SIRT5: variants seen among roughly 807,000 people sequenced by gnomAD.
SIRT5 encodes sirtuin 5.
A neutral mutation model predicts 40.0 loss-of-function variants in SIRT5; 26 were observed. That is an observed-to-expected ratio of 0.65 (90% CI 0.48 to 0.90). The LOEUF (loss-of-function observed/expected upper bound fraction) is 0.90. Ranked by LOEUF, SIRT5 falls within the 40% of genes least tolerant of loss-of-function variation. SIRT5 has a pLI of 0.00. For synonymous variants in SIRT5, 146 were observed against 149.1 expected (o/e 0.98, Z 0.15); for missense variants, 401 against 402.4 (o/e 1.00, Z 0.03).
chr6:13,604,191 A>C (rs1436407092), intron 9 of SIRT5, among the ~76,000 whole-genome samples: 4 of 152,266 alleles, frequency 2.6e-5, no homozygotes, highest in Non-Finnish European at 5.9e-5. Flanking sequence ...ATTGTATGTG[A>C]ATCAAATCTC....
At chr6:13,581,367 C>G (rs766823761) in intron 2 of SIRT5, among the ~76,000 whole-genome samples, 27 of 151,988 alleles carry the variant, frequency 1.8e-4, no homozygotes, top group Non-Finnish European at 3.7e-4. Context: ...GAACGCCCCT[C>G]AGCTTGAGTT....
At chr6:13,579,322 T>A (rs1759040928) in intron 1 of SIRT5, 129 bp from the exon 2 acceptor site, 1 of 152,230 alleles carries the variant, frequency 6.6e-6, no homozygotes, top group African/African-American at 2.4e-5. Flanking sequence ...ATTTACGATC[T>A]TGGGAATAAT....
At chr6:13,604,540 A>G in intron 9 of SIRT5, 2 of 1,582,428 alleles carry the variant, frequency 1.3e-6, no homozygotes, top group South Asian at 2.3e-5. Flanking sequence ...ATTGTAGAAA[A>G]GCAAGAAAAT....
rs779391396 is a variant in SIRT5, at chr6:13,613,980, T to G, written c.*2115T>G. The G allele has an allele frequency of 5.3e-5, 8 of 152,238 alleles. No homozygotes were observed. The highest frequency in any genetic ancestry group is 8.8e-5 in the Non-Finnish European group (6 of 68,044). 9.4% of individuals were successfully genotyped at this position (152,238 alleles called of 1,614,324 possible). ...CTGAACCTCTGGTTCAGCAGCTTTT[T>G]TTGTTGTTGTTGTTTTCAAGTTTTA... On this transcript the variant is annotated 3_prime_UTR_variant, in exon 10 of 10. Coordinates refer to ENST00000606117, the MANE Select transcript of SIRT5 (RefSeq NM_012241.5).
chr6:13,606,188 G>A (rs190549053), intron 9 of SIRT5, among the ~76,000 whole-genome samples: 19 of 152,342 alleles, frequency 1.2e-4, no homozygotes, highest in Middle Eastern at 3.4e-3. Context: ...TGAAGGAGGT[G>A]AAGGAGGCAG....
At chr6:13,602,676 A>G (rs1045586963) in intron 9 of SIRT5, among the ~76,000 whole-genome samples, 3 of 152,190 alleles carry the variant, frequency 2.0e-5, no homozygotes, top group African/African-American at 7.2e-5. Context: ...AAAGAGTGGC[A>G]AGACAATTTG....
intron 4 of SIRT5, among the ~76,000 whole-genome samples, chr6:13,590,642 TAGTTGTGTGTGTGC>T (rs1243124339): frequency 6.6e-6 from 1 of 152,142 alleles, no homozygotes; most frequent in Non-Finnish European, 1.5e-5. Flanking sequence ...TGTGTATGTT[TAGTTGTGTGTGTGC>T]AGTTGTGTGT....
At chr6:13,583,340 G>A (rs747893208) in intron 2 of SIRT5, among the ~76,000 whole-genome samples, 19 of 122,216 alleles carry the variant, frequency 1.6e-4, no homozygotes, top group Non-Finnish European at 2.8e-4. Flanking sequence ...TGTTGCCCAC[G>A]CTGGAGTGCA....
chr6:13,591,909 G>A lies in SIRT5; in HGVS notation c.475+15G>A, dbSNP rs1331953326. On this transcript the variant is annotated intron_variant, in intron 5 of 9. Transcript: ENST00000606117. The stretch of plus-strand genomic sequence containing the variant: ...GGAGATCCATGGTGAGAGACCCCCA[G>A]CCTCCCATTCAGGGAACCAGCTTTA... 4 of 1,605,602 alleles carry A rather than the reference G, an allele frequency of 2.5e-6. No individual in the cohort carries two copies.
chr6:13,602,947 C>T (rs1182177077), intron 9 of SIRT5, among the ~76,000 whole-genome samples: 1 of 152,222 alleles, frequency 6.6e-6, no homozygotes, highest in East Asian at 1.9e-4. Flanking sequence ...AAATTTAAAA[C>T]TTCTGTATTC....
chr6:13,608,061 G>A (rs1055591784), intron 9 of SIRT5, among the ~76,000 whole-genome samples: 1 of 152,002 alleles, frequency 6.6e-6, no homozygotes, highest in African/African-American at 2.4e-5. Flanking sequence ...GTGCCTGGCT[G>A]AAACACTGAC....
At chr6:13,588,550 AC>A in intron 4 of SIRT5, 86 bp downstream of exon 4, 1 of 1,446,590 alleles carries the variant, frequency 6.9e-7, no homozygotes, top group South Asian at 1.4e-5. Context: ...GATCCCCGAA[AC>A]CCCAGGGAAA....
At chr6:13,608,821 AT>A (rs144601335) in intron 9 of SIRT5, among the ~76,000 whole-genome samples, 76,473 of 146,254 alleles carry the variant, frequency 0.52, 20,011 homozygotes, top group Admixed American at 0.63. Context: ...ATTTTATTGG[AT>A]TTTTTTTTTT....
chr6:13,581,842 C>T (rs563869058), intron 2 of SIRT5, among the ~76,000 whole-genome samples: 2 of 152,132 alleles, frequency 1.3e-5, no homozygotes, highest in South Asian at 2.1e-4. Context: ...GAACTGGGAC[C>T]GAAACAGGAA....
chr6:13,593,369 C>T (rs1352364814), intron 5 of SIRT5, among the ~76,000 whole-genome samples: 1 of 152,172 alleles, frequency 6.6e-6, no homozygotes, highest in Admixed American at 6.5e-5. Context: ...TTTTGTTCAT[C>T]AGGAACAGCC....
At chr6:13,601,838 T>TA (rs1020985359) in intron 9 of SIRT5, among the ~76,000 whole-genome samples, 54 of 142,638 alleles carry the variant, frequency 3.8e-4, no homozygotes, top group African/African-American at 8.2e-4. Context: ...TGCTGGGATT[T>TA]AAAAAAAAAA....
intron 7 of SIRT5, among the ~76,000 whole-genome samples, chr6:13,598,520 C>T (rs1339590491): frequency 6.6e-6 from 1 of 152,070 alleles, no homozygotes; most frequent in Non-Finnish European, 1.5e-5. Flanking sequence ...CAAGTACATA[C>T]AGACAAGATA....
chr6:13,611,223 A>G (rs1225419876), intron 9 of SIRT5, among the ~76,000 whole-genome samples: 1 of 133,660 alleles, frequency 7.5e-6, no homozygotes, highest in Non-Finnish European at 1.6e-5. Context: ...ATATATATAT[A>G]TATATATATA....
At chr6:13,595,946 C>T (rs1761520348) in intron 6 of SIRT5, among the ~76,000 whole-genome samples, 1 of 152,142 alleles carries the variant, frequency 6.6e-6, no homozygotes, top group African/African-American at 2.4e-5. Context: ...GAGCTGAGAT[C>T]ATGCCACTGC....
Sources: allele counts gnomAD v4.1 joint callset (sites outside exome capture counted in the v4.1 genomes callset), GRCh38; gene constraint gnomAD v4.1.1; transcripts MANE v1.5; gene names NCBI Gene and HGNC (gene_info 2026-07-23, HGNC 2026-07-21).